The following RORA variants were observed in gnomAD, a reference collection of about 807,000 sequenced individuals.
RORA encodes RAR related orphan receptor A.
In RORA, 7 loss-of-function variants were observed where a neutral mutation model predicts 69.5. That is an observed-to-expected ratio of 0.10 (90% CI 0.06 to 0.19). The LOEUF (loss-of-function observed/expected upper bound fraction) is 0.19, where lower values mean the gene tolerates loss of function less well. Ranked by LOEUF, RORA falls within the 10% of genes least tolerant of loss-of-function variation. RORA has a pLI of 1.00. For missense variants in RORA, 457 were observed against 663.0 expected, an observed-to-expected ratio of 0.69 and a Z score of 3.41; for synonymous variants, 261 against 240.8, an observed-to-expected ratio of 1.08 and a Z score of -0.78.
chr15:60,888,501 C>A (rs1469817438), intron 1 of RORA, among the ~76,000 whole-genome samples: 1 of 152,222 alleles, frequency 6.6e-6, no homozygotes, highest in Non-Finnish European at 1.5e-5. Context: ...TGCAAACACA[C>A]ACATGCACAC....
intron 2 of RORA, among the ~76,000 whole-genome samples, chr15:60,603,073 G>A (rs1365032316): frequency 6.6e-6 from 1 of 152,200 alleles, no homozygotes; most frequent in Non-Finnish European, 1.5e-5. Flanking sequence ...TAAAGCATTT[G>A]AGATTCATCC....
In RORA at chr15:60,775,355, C is replaced by A. The variant is rs183777334; in HGVS notation, c.167-96669G>T. Among the ~76,000 whole-genome samples the A allele has an allele frequency of 1.7e-3, 262 of 152,212 alleles. 1 individual carries two copies. The highest frequency in any genetic ancestry group is 5.3e-3 in the African/African-American group (222 of 41,546). ...GTTAATGTTGCTAGAAGGAAAAAAA[C>A]CCCTGATTTTCCTATATGTAAGCTG... On this transcript the variant is annotated intron_variant, in intron 1 of 10. Transcript: ENST00000335670.
chr15:61,078,375 T>C (rs2078485921), intron 1 of RORA, among the ~76,000 whole-genome samples: 1 of 99,806 alleles, frequency 1.0e-5, no homozygotes, highest in African/African-American at 3.2e-5. Flanking sequence ...GTGTGTGTAG[T>C]TTTAGTAGAA....
At chr15:60,713,684 T>C (rs2071177229) in intron 1 of RORA, among the ~76,000 whole-genome samples, 1 of 152,166 alleles carries the variant, frequency 6.6e-6, no homozygotes, top group African/African-American at 2.4e-5. Flanking sequence ...TCACCCTACC[T>C]AGCCATGAGG....
chr15:61,030,502 G>C (rs1027217774), intron 1 of RORA, among the ~76,000 whole-genome samples: 1 of 152,186 alleles, frequency 6.6e-6, no homozygotes, highest in African/African-American at 2.4e-5. Context: ...GAGAGGTAGA[G>C]TGGGTTTTAG....
At chr15:60,869,152 T>G (rs2073524512) in intron 1 of RORA, among the ~76,000 whole-genome samples, 1 of 152,208 alleles carries the variant, frequency 6.6e-6, no homozygotes, top group Non-Finnish European at 1.5e-5. Flanking sequence ...TTGGCTGAAA[T>G]GACCATAAAA....
rs1226291829 is a variant in RORA, at chr15:60,510,829, G to C, written c.820+397C>G. On this transcript the variant is annotated intron_variant, in intron 5 of 10. Transcript: ENST00000335670. ...CAAAAATTTTAAAACTCTGCCCTGG[G>C]CAAAAAAATATGTCTGTGGGCCAAG... is the stretch of plus-strand genomic sequence containing the variant. 3.3e-5 allele frequency among the ~76,000 whole-genome samples: 5 copies of C among 150,444 alleles called. No homozygotes were observed. The East Asian group carries it at 9.6e-4, about 29-fold the overall frequency.
rs1265760274 is a variant in RORA at position 60,501,178 on chromosome 15, G to GGA, written c.1184-111_1184-110dup. 3 of 671,680 alleles carry GGA rather than the reference G, an allele frequency of 4.5e-6. No individual in the cohort carries two copies. The African/African-American group carries it at 5.5e-5, about 12-fold the overall frequency. 41.6% of individuals were successfully genotyped at this position (671,680 alleles called of 1,614,324 possible). On this transcript the variant is annotated intron_variant, in intron 8 of 10. Coordinates refer to ENST00000335670, the MANE Select transcript of RORA (RefSeq NM_134261.3). Reference sequence around the variant, plus strand: ...CTCCTAAGTCCAATAGAAGGTCTTAGGAGAAAAACATGGGGAAGGTGAAGA... The same window carrying GGA: ...CTCCTAAGTCCAATAGAAGGTCTTAGGAGAGAAAAACATGGGGAAGGTGAAGA...
chr15:60,785,922 C>A (rs1325510415), intron 1 of RORA, among the ~76,000 whole-genome samples: 1 of 151,946 alleles, frequency 6.6e-6, no homozygotes, highest in Non-Finnish European at 1.5e-5. Context: ...CACAACAGGG[C>A]CTGTGTCTCT....
intron 1 of RORA, among the ~76,000 whole-genome samples, chr15:60,879,386 A>T (rs1311177142): frequency 6.6e-6 from 1 of 152,010 alleles, no homozygotes; most frequent in Non-Finnish European, 1.5e-5. Context: ...ACTGTTGGGT[A>T]GAGTATATGA....
intron 1 of RORA, among the ~76,000 whole-genome samples, chr15:60,963,945 G>A (rs1893482438): frequency 6.6e-6 from 1 of 152,218 alleles, no homozygotes; most frequent in African/African-American, 2.4e-5. Context: ...CTAACTTAAG[G>A]GAATGGAGAG....
At chr15:60,632,506 A>G (rs950412884) in intron 2 of RORA, among the ~76,000 whole-genome samples, 2 of 152,226 alleles carry the variant, frequency 1.3e-5, no homozygotes, top group Non-Finnish European at 2.9e-5. Flanking sequence ...CAAATACACA[A>G]TGAATAATTT....
chr15:61,168,771 G>C (rs761349097), intron 1 of RORA, among the ~76,000 whole-genome samples: 1 of 152,036 alleles, frequency 6.6e-6, no homozygotes, highest in Non-Finnish European at 1.5e-5. Flanking sequence ...TCAAAACACC[G>C]AGATTCAGTC....
At chr15:60,912,551 G>A (rs892703914) in intron 1 of RORA, among the ~76,000 whole-genome samples, 1 of 151,860 alleles carries the variant, frequency 6.6e-6, no homozygotes, top group Non-Finnish European at 1.5e-5. Flanking sequence ...TCAGGAGATC[G>A]ACACCATCTT....
intron 1 of RORA, among the ~76,000 whole-genome samples, chr15:60,819,902 T>C (rs1321431480): frequency 2.0e-5 from 3 of 152,186 alleles, no homozygotes; most frequent in Non-Finnish European, 2.9e-5. Flanking sequence ...AGTGAATCCC[T>C]GTGTTCTGAA....
intron 1 of RORA, among the ~76,000 whole-genome samples, chr15:60,724,548 A>C (rs952608403): frequency 2.0e-5 from 3 of 152,150 alleles, no homozygotes; most frequent in African/African-American, 7.2e-5. Context: ...GCTCGGACTC[A>C]GTAGCTTTCC....
chr15:60,821,096 G>C (rs2072887205), intron 1 of RORA, among the ~76,000 whole-genome samples: 1 of 152,020 alleles, frequency 6.6e-6, no homozygotes, highest in Non-Finnish European at 1.5e-5. Context: ...CCAGCTGTAG[G>C]GCCTAGGACC....
intron 1 of RORA, among the ~76,000 whole-genome samples, chr15:60,930,336 C>T (rs1042549062): frequency 6.6e-6 from 1 of 152,062 alleles, no homozygotes; most frequent in African/African-American, 2.4e-5. Context: ...AGGAGCATAT[C>T]CTCCCACCTC....
chr15:60,889,148 A>G (rs1485438883), intron 1 of RORA, among the ~76,000 whole-genome samples: 1 of 152,122 alleles, frequency 6.6e-6, no homozygotes, highest in Non-Finnish European at 1.5e-5. Flanking sequence ...TTACCCCACC[A>G]TTATCCTGGC....
Sources: gnomAD v4.1 joint callset for allele counts (sites outside exome capture counted in the v4.1 genomes callset) on GRCh38, gnomAD v4.1.1 for gene constraint, MANE v1.5 for transcripts, NCBI Gene and HGNC (gene_info 2026-07-23, HGNC 2026-07-21) for gene names.